HSPA14: variants seen among roughly 807,000 people sequenced by gnomAD.
The protein encoded by HSPA14 is heat shock 70 kDa protein 14.
HSPA14 carries 37 observed loss-of-function variants against 65.5 expected under a neutral mutation model. The ratio of observed to expected loss-of-function variants is 0.56; its 90% CI spans 0.43 to 0.74. The LOEUF (loss-of-function observed/expected upper bound fraction) is 0.74, where lower values mean the gene tolerates loss of function less well. HSPA14 is among the 30% of genes least tolerant of loss of function. The pLI, the probability that HSPA14 is intolerant of heterozygous loss-of-function variation, is 0.00. For missense variants in HSPA14, 564 were observed against 607.6 expected (o/e 0.93, Z 0.75); for synonymous variants, 203 against 214.2 (o/e 0.95, Z 0.46).
chr10:14,858,937 A>G (rs924824135), intron 10 of HSPA14, among the ~76,000 whole-genome samples: 2 of 152,090 alleles, frequency 1.3e-5, no homozygotes, highest in Non-Finnish European at 2.9e-5. Flanking sequence ...TGTGCTCTTC[A>G]TGCTTGTGAC....
At position 14,867,817 on chromosome 10, in the gene HSPA14, T is replaced by C. The variant is rs1008625875; in HGVS notation, c.1288T>C (p.Leu430=). The change falls in exon 12 of 14, where the codon TTG becomes CTG. Residue 430 remains leucine, a synonymous_variant. Transcript: ENST00000378372. ...TPLPARRQHT[L]QAPGSISSVC... Reference sequence around the variant, plus strand: ...TTTGCCAGCTCGAAGACAACACACATTGCAAGCCCCTGGAAGCATATCTTC... The same window carrying C: ...TTTGCCAGCTCGAAGACAACACACACTGCAAGCCCCTGGAAGCATATCTTC... 47 of 1,614,054 alleles carry C rather than the reference T, an allele frequency of 2.9e-5. No individual in the cohort carries two copies. The highest frequency in any genetic ancestry group is 3.4e-5 in the Non-Finnish European group (40 of 1,180,024).
intron 10 of HSPA14, among the ~76,000 whole-genome samples, chr10:14,863,051 C>T (rs1564325794): frequency 1.3e-5 from 2 of 151,610 alleles, no homozygotes; most frequent in African/African-American, 2.4e-5. Context: ...TTTTTGGACA[C>T]CAGTGAGATG....
intron 8 of HSPA14, among the ~76,000 whole-genome samples, chr10:14,852,827 T>TGGTTAAA (rs1178610691): frequency 6.6e-6 from 1 of 152,234 alleles, no homozygotes; most frequent in Non-Finnish European, 1.5e-5. Flanking sequence ...CTCTTCTGTC[T>TGGTTAAA]GGTTAAAGGA....
intron 13 of HSPA14, 55 bp from the exon 14 acceptor site, chr10:14,871,471 CTT>C: frequency 9.8e-7 from 1 of 1,019,728 alleles, no homozygotes; most frequent in Non-Finnish European, 1.5e-6. Flanking sequence ...TTGTTACAGA[CTT>C]TATGTTTTTA....
At chr10:14,854,766 G>A (rs905373628) in intron 9 of HSPA14, among the ~76,000 whole-genome samples, 4 of 151,952 alleles carry the variant, frequency 2.6e-5, no homozygotes, top group East Asian at 1.9e-4. Context: ...CACTTTCCCC[G>A]GGCCTTCATG....
At chr10:14,870,873 T>G (rs1023044848) in intron 13 of HSPA14, among the ~76,000 whole-genome samples, 1 of 152,162 alleles carries the variant, frequency 6.6e-6, no homozygotes, top group Non-Finnish European at 1.5e-5. Flanking sequence ...TCTTGAATAT[T>G]TTAGGAACTC....
intron 3 of HSPA14, chr10:14,846,521 G>C: frequency 2.0e-6 from 2 of 985,384 alleles, no homozygotes; most frequent in Non-Finnish European, 2.4e-6. Context: ...CAGGGAGACA[G>C]TGTGCAAGAA....
In HSPA14 at chr10:14,867,234, A is replaced by T; in HGVS notation, c.1145A>T (p.Glu382Val). 1 of 1,613,894 alleles carries T rather than the reference A, an allele frequency of 6.2e-7. No individual in the cohort carries two copies. Among genetic ancestry groups the T allele is most frequent in the Non-Finnish European group, 8.5e-7 (1 of 1,179,846 alleles). The change falls in exon 11 of 14, where the codon GAA becomes GTA. Residue 382 changes from glutamate to valine, a missense_variant. Coordinates refer to ENST00000378372, the MANE Select transcript of HSPA14 (RefSeq NM_016299.4). ...AIEAGILIGK[E>V]NLLVEDSLMI... is the part of the protein sequence containing the mutation. ...GAAGCAGGAATTCTTATTGGGAAAG[A>T]AAACCTGTTGGTGGAAGACTCTCTT...
chr10:14,851,333 A>G lies in HSPA14; in HGVS notation c.572+10A>G. On this transcript the variant is annotated intron_variant, in intron 7 of 13. Coordinates refer to ENST00000378372, the MANE Select transcript of HSPA14 (RefSeq NM_016299.4). The stretch of plus-strand genomic sequence containing the variant: ...CCCCTACTGGAAAAAGGTAAAGATC[A>G]TATTTGCAGTTTTAGGTTTTTTGAG... The G allele has an allele frequency of 6.6e-7, 1 of 1,507,196 alleles. No individual in the cohort carries two copies. Among genetic ancestry groups the G allele is most frequent in the Non-Finnish European group, 9.2e-7 (1 of 1,083,956 alleles). 93.4% of individuals were successfully genotyped at this position (1,507,196 alleles called of 1,614,324 possible). A position where few individuals can be genotyped will look rare whatever the true frequency, so the allele number is the denominator to read the frequency against.
chr10:14,851,704 G>A (rs562992411), intron 7 of HSPA14, among the ~76,000 whole-genome samples: 214 of 152,332 alleles, frequency 1.4e-3, no homozygotes, highest in African/African-American at 4.9e-3. Flanking sequence ...GATGGATTTA[G>A]CATGAGGTTT....
In HSPA14 at chr10:14,848,614, G is replaced by A. The variant is rs1834082892; in HGVS notation, c.227G>A (p.Ser76Asn). ...TTATCTTTCTTTATGGACAGCTCCA[G>A]TGATCCACAAGCTCAGAAATACATC... ...KVKQILGRSS[S>N]DPQAQKYIAE... is the part of the protein sequence containing the mutation. Residue 76 changes from serine to asparagine, a missense_variant, in exon 4 of 14, where the codon AGT becomes AAT. Physicochemically the swap from Ser to Asn is conservative, Grantham distance 46 (BLOSUM62 1). Coordinates refer to ENST00000378372, the MANE Select transcript of HSPA14 (RefSeq NM_016299.4). The A allele has an allele frequency of 6.2e-7, 1 of 1,609,844 alleles. No individual in the cohort carries two copies. Among genetic ancestry groups the A allele is most frequent in the Non-Finnish European group, 8.5e-7 (1 of 1,177,062 alleles).
rs113388163 is a variant in HSPA14 at position 14,849,530 on chromosome 10, A to G, written c.377-191A>G. ...GAAAGCTAATTCTGTGTCCAAATAT[A>G]TCACCAAAACCACAAGAAGTGCTGC... On this transcript the variant is annotated intron_variant, in intron 5 of 13. Coordinates refer to ENST00000378372, the MANE Select transcript of HSPA14 (RefSeq NM_016299.4). 2.0e-3 allele frequency: 1,326 copies of G among 677,560 alleles called. 14 individuals are homozygous for G. The African/African-American group carries it at 0.02, about 10-fold the overall frequency. 42.0% of individuals were successfully genotyped at this position (677,560 alleles called of 1,614,324 possible).
chr10:14,839,025 G>T (rs1271985672), intron 1 of HSPA14, among the ~76,000 whole-genome samples: 4 of 152,222 alleles, frequency 2.6e-5, no homozygotes, highest in Non-Finnish European at 5.9e-5. Flanking sequence ...TCCCGGAGGG[G>T]CGGGGAGGCT....
chr10:14,865,540 T>C (rs1003043051), intron 10 of HSPA14, among the ~76,000 whole-genome samples: 3 of 152,258 alleles, frequency 2.0e-5, no homozygotes, highest in Non-Finnish European at 4.4e-5. Context: ...TTTCTACCTA[T>C]GGCTAGCCAA....
chr10:14,844,893 A>G (rs1834029340), intron 3 of HSPA14: 4 of 985,198 alleles, frequency 4.1e-6, no homozygotes, highest in Non-Finnish European at 4.8e-6. Flanking sequence ...TTTGTCTAGT[A>G]TGTTATACAG....
At position 14,855,896 on chromosome 10, in the gene HSPA14, A is replaced by G; in HGVS notation, c.946A>G (p.Arg316Gly). ...TTTTAATAAGTGTATAGAAGCAATC[A>G]GAGGACTCTTAGATCAAAATGGATT... is the stretch of plus-strand genomic sequence containing the variant. The part of the protein sequence containing the change: ...PLFNKCIEAI[R>G]GLLDQNGFTA... The change falls in exon 10 of 14, where the codon AGA (arginine) becomes GGA (glycine). Residue 316 changes from arginine to glycine, a missense_variant. Coordinates refer to ENST00000378372, the MANE Select transcript of HSPA14 (RefSeq NM_016299.4). 6.2e-7 allele frequency: 1 copy of G among 1,609,818 alleles called. No homozygotes were observed. The highest frequency in any genetic ancestry group is 8.5e-7 in the Non-Finnish European group (1 of 1,176,386).
intron 3 of HSPA14, chr10:14,843,804 T>C: frequency 1.3e-6 from 2 of 1,536,314 alleles, no homozygotes; most frequent in Non-Finnish European, 1.7e-6. Context: ...CAGTCAGACG[T>C]TTGGCAACAG....
intron 11 of HSPA14, 152 bp downstream of exon 11, chr10:14,867,447 T>C (rs980906327): frequency 4.3e-5 from 27 of 624,604 alleles, no homozygotes; most frequent in Non-Finnish European, 5.7e-5. Flanking sequence ...AGATTTATAA[T>C]CCTACTTTTA....
At chr10:14,844,675 A>T in intron 3 of HSPA14, 1 of 977,208 alleles carries the variant, frequency 1.0e-6, no homozygotes, top group Non-Finnish European at 1.2e-6. Context: ...GTTACGGTTT[A>T]TATCGATAAT....
Sources: gnomAD v4.1 joint callset for allele counts (sites outside exome capture counted in the v4.1 genomes callset) on GRCh38, gnomAD v4.1.1 for gene constraint, MANE v1.5 for transcripts, NCBI Gene and HGNC (gene_info 2026-07-23, HGNC 2026-07-21) for gene names.